The following URB2 variants were observed in gnomAD, a reference collection of about 807,000 sequenced individuals.
The protein encoded by URB2 is URB2 ribosome biogenesis homolog.
In URB2, 86 loss-of-function variants were observed where a neutral mutation model predicts 120.9. The observed-to-expected ratio is 0.71, with a 90% CI of 0.60 to 0.85. URB2 has a LOEUF of 0.85. Among genes scored for constraint, URB2 ranks in the 40% least tolerant of loss-of-function variants. The pLI, the probability that URB2 is intolerant of heterozygous loss-of-function variation, is 0.00. For missense variants in URB2, 1,765 were observed against 1,836.5 expected, an observed-to-expected ratio of 0.96 and a Z score of 0.71; for synonymous variants, 755 against 758.4, an observed-to-expected ratio of 1.00 and a Z score of 0.07.
rs763337476 is a variant in URB2, at chr1:229,635,815, C to T, written c.1202C>T (p.Ala401Val). The T allele has an allele frequency of 3.7e-6, 6 of 1,614,010 alleles. No individual in the cohort carries two copies. The highest frequency in any genetic ancestry group is 3.4e-6 in the Non-Finnish European group (4 of 1,179,988). Residue 401 changes from alanine to valine, a missense_variant, in exon 4 of 10, where the codon GCA becomes GTA. By Grantham distance (64) the Ala-to-Val change is moderately conservative (BLOSUM62 0). Transcript: ENST00000258243. ...RHVAELLINH[A>V]QAPIPAWFRC... ...GTGGCTGAGCTGCTGATAAACCATG[C>T]ACAAGCACCCATACCGGCCTGGTTC...
At chr1:229,652,320 C>T (rs1482889045) in intron 8 of URB2, among the ~76,000 whole-genome samples, 1 of 152,200 alleles carries the variant, frequency 6.6e-6, no homozygotes, top group Non-Finnish European at 1.5e-5. Context: ...CTCAGAGGCT[C>T]TGGGACCATA....
rs189067770 is a variant in URB2 at position 229,631,566 on chromosome 1, A to G, written c.127-703A>G. Among the ~76,000 whole-genome samples the G allele has an allele frequency of 7.9e-5, 12 of 152,300 alleles. No individual in the cohort carries two copies. In the East Asian group the frequency reaches 2.3e-3, roughly 29 times the overall value. On this transcript the variant is annotated intron_variant, in intron 2 of 9. Transcript: ENST00000258243. Reference sequence around the variant, plus strand: ...CACTTGAACACCTGGAGGCCATTGTAGGGTTAGCTGGCCTAATTGCAATAT... The same window carrying G: ...CACTTGAACACCTGGAGGCCATTGTGGGGTTAGCTGGCCTAATTGCAATAT...
Position 229,636,244 on chromosome 1 carries a change from T to C in URB2, c.1631T>C (p.Leu544Ser), listed in dbSNP as rs2102785018. 6.2e-7 allele frequency: 1 copy of C among 1,613,562 alleles called. No individual in the cohort carries two copies. The highest frequency in any genetic ancestry group is 8.5e-7 in the Non-Finnish European group (1 of 1,179,488). Residue 544 changes from leucine to serine, a missense_variant, in exon 4 of 10, where the codon TTG becomes TCG. By Grantham distance (145) the Leu-to-Ser change is moderately radical. Coordinates refer to ENST00000258243, the MANE Select transcript of URB2 (RefSeq NM_014777.4). ...DMALKSLSLS[L>S]LLHCIMFNMR... ...GCCCTGAAATCACTGTCACTGAGCT[T>C]GCTGCTGCACTGCATCATGTTCAAC...
Position 229,636,908 on chromosome 1 carries a change from C to A in URB2, c.2295C>A (p.Val765=), listed in dbSNP as rs1345891942. 1.2e-6 allele frequency: 2 copies of A among 1,612,074 alleles called. No individual in the cohort carries two copies. The highest frequency in any genetic ancestry group is 8.5e-7 in the Non-Finnish European group (1 of 1,178,950). ...ATGATGTGGGATACCTGGCCAGTGT[C>A]CTGCTGAGAACTTTACCCATGGGCA... is the stretch of plus-strand genomic sequence containing the variant. The part of the protein sequence containing the change: ...CPDDVGYLAS[V]LLRTLPMGKA... The change falls in exon 4 of 10, where the codon GTC becomes GTA. Residue 765 remains valine (V), a synonymous_variant. Transcript: ENST00000258243.
In URB2 at chr1:229,647,651, C is replaced by T. The variant is rs891813735; in HGVS notation, c.4048C>T (p.Leu1350Phe). The change falls in exon 7 of 10, where the codon CTT (leucine) becomes TTT (phenylalanine). Residue 1350 changes from leucine to phenylalanine, a missense_variant. By Grantham distance (22) the Leu-to-Phe change is conservative. Transcript: ENST00000258243. ...PHHVSLAFSI[L>F]LTVPLDHLKP... The stretch of plus-strand genomic sequence containing the variant: ...CCACGTCAGCCTGGCCTTCAGCATC[C>T]TTCTCACTGTCCCTTTGGACCATCT... The T allele has an allele frequency of 6.2e-7, 1 of 1,614,160 alleles. No homozygotes were observed. Among genetic ancestry groups the T allele is most frequent in the Non-Finnish European group, 8.5e-7 (1 of 1,180,042 alleles).
intron 7 of URB2, among the ~76,000 whole-genome samples, chr1:229,649,015 G>A (rs2102796238): frequency 6.6e-6 from 1 of 152,212 alleles, no homozygotes; most frequent in East Asian, 1.9e-4. Context: ...GTAACACAAT[G>A]GTAAGTATTT....
At chr1:229,640,534 T>C (rs1240230881) in intron 4 of URB2, among the ~76,000 whole-genome samples, 1 of 152,186 alleles carries the variant, frequency 6.6e-6, no homozygotes, top group Non-Finnish European at 1.5e-5. Context: ...CCCTCGTTAA[T>C]GTCACATTAA....
chr1:229,647,360 G>A, intron 6 of URB2, 150 bp from the exon 7 acceptor site: 2 of 936,726 alleles, frequency 2.1e-6, no homozygotes, highest in Admixed American at 2.8e-5. Context: ...TCTGTAAGAA[G>A]TTTAGCAAAT....
At chr1:229,639,569 C>T (rs1234927645) in intron 4 of URB2, among the ~76,000 whole-genome samples, 1 of 152,132 alleles carries the variant, frequency 6.6e-6, no homozygotes, top group East Asian at 1.9e-4. Context: ...ATATCCTGAC[C>T]TCATTATCCG....
intron 8 of URB2, among the ~76,000 whole-genome samples, chr1:229,652,319 T>C (rs1199885314): frequency 6.6e-6 from 1 of 152,210 alleles, no homozygotes; most frequent in African/African-American, 2.4e-5. Flanking sequence ...GCTCAGAGGC[T>C]CTGGGACCAT....
intron 4 of URB2, among the ~76,000 whole-genome samples, chr1:229,641,867 G>A (rs192795416): frequency 7.2e-5 from 11 of 152,114 alleles, no homozygotes; most frequent in South Asian, 4.2e-4. Flanking sequence ...ACAAAAAGCC[G>A]GTGTGGGTAG....
Position 229,635,260 on chromosome 1 carries a change from C to T in URB2, c.647C>T (p.Thr216Ile). Residue 216 changes from threonine (T) to isoleucine (I), a missense_variant, in exon 4 of 10, where the codon ACA becomes ATA. Thr to Ile is a moderately conservative substitution (Grantham distance 89). Coordinates refer to ENST00000258243, the MANE Select transcript of URB2 (RefSeq NM_014777.4). ...CTGAGGCACTTACTCTCTGGGGGCA[C>T]ATGGACGCAGGCTGGCCAGGGCCAG... The part of the protein sequence containing the change: ...LVLRHLLSGG[T>I]WTQAGQGQLR... 1 of 1,614,222 alleles carries T rather than the reference C, an allele frequency of 6.2e-7. No homozygotes were observed. The highest frequency in any genetic ancestry group is 1.1e-5 in the South Asian group (1 of 91,090).
At position 229,627,776 on chromosome 1, in the gene URB2, A is replaced by G. The variant is rs1216210003; in HGVS notation, c.126+17A>G. The G allele has an allele frequency of 6.3e-7, 1 of 1,596,084 alleles. No individual in the cohort carries two copies. The highest frequency in any genetic ancestry group is 8.5e-7 in the Non-Finnish European group (1 of 1,171,330). On this transcript the variant is annotated intron_variant, in intron 2 of 9. Transcript: ENST00000258243. ...AAAGAACAAGTAAGTTTAATGTGAA[A>G]CTCATATTTTTACAGTCTGTCAAGA...
At chr1:229,644,008 A>G (rs1271013786) in intron 5 of URB2, among the ~76,000 whole-genome samples, 1 of 152,270 alleles carries the variant, frequency 6.6e-6, no homozygotes, top group Non-Finnish European at 1.5e-5. Context: ...TCTTTGCTGA[A>G]GACCTCTCAC....
rs756226914 is a variant in URB2, at chr1:229,654,282, G to A, written c.4271G>A (p.Cys1424Tyr). Residue 1424 changes from cysteine (C) to tyrosine (Y), a missense_variant, in exon 9 of 10, where the codon TGT (cysteine) becomes TAT (tyrosine). Cys to Tyr is a radical substitution (Grantham distance 194). Coordinates refer to ENST00000258243, the MANE Select transcript of URB2 (RefSeq NM_014777.4). ...SIDDLPTVLK[C>Y]ARLVERMYSH... Reference sequence around the variant, plus strand: ...GATGACCTGCCTACGGTCCTAAAGTGTGCACGCCTGGTTGAAAGAATGTAC... The same window carrying A: ...GATGACCTGCCTACGGTCCTAAAGTATGCACGCCTGGTTGAAAGAATGTAC... The A allele has an allele frequency of 3.7e-6, 6 of 1,614,072 alleles. No individual in the cohort carries two copies. Among genetic ancestry groups the A allele is most frequent in the South Asian group, 2.2e-5 (2 of 91,094 alleles).
chr1:229,635,984 C>G lies in URB2; in HGVS notation c.1371C>G (p.Phe457Leu), dbSNP rs915010117. The part of the protein sequence containing the change: ...KAQEALIRTV[F>L]QTYAKLRQVP... ...AGGAGGCGCTTATTCGTACTGTCTT[C>G]CAGACTTATGCCAAACTCCGACAAG... Residue 457 changes from phenylalanine to leucine, a missense_variant, in exon 4 of 10, where the codon TTC (phenylalanine) becomes TTG (leucine). Coordinates refer to ENST00000258243, the MANE Select transcript of URB2 (RefSeq NM_014777.4). The G allele has an allele frequency of 2.5e-6, 4 of 1,614,056 alleles. No individual in the cohort carries two copies. The highest frequency in any genetic ancestry group is 1.6e-4 in the Middle Eastern group (1 of 6,062).
chr1:229,645,312 C>G (rs916630039), intron 5 of URB2, among the ~76,000 whole-genome samples: 5 of 151,750 alleles, frequency 3.3e-5, no homozygotes, highest in African/African-American at 1.2e-4. Flanking sequence ...TTAAATTCTG[C>G]TCACTCTGTG....
chr1:229,643,392 T>C (rs545940659), intron 4 of URB2, 141 bp from the exon 5 acceptor site: 2 of 905,202 alleles, frequency 2.2e-6, no homozygotes, highest in Non-Finnish European at 3.4e-6. Context: ...ACCTGCTTTT[T>C]CCACCAGTGC....
At chr1:229,647,822 G>C in intron 7 of URB2, 70 bp downstream of exon 7, 3 of 1,544,922 alleles carry the variant, frequency 1.9e-6, no homozygotes, top group Non-Finnish European at 1.7e-6. Context: ...CTGTAGAAAA[G>C]TGGCAGCAAA....
Sources: allele counts gnomAD v4.1 joint callset (sites outside exome capture counted in the v4.1 genomes callset), GRCh38; gene constraint gnomAD v4.1.1; transcripts MANE v1.5; gene names NCBI Gene and HGNC (gene_info 2026-07-23, HGNC 2026-07-21).